Variants in KLRG2 observed in about 807,000 individuals in gnomAD.
The protein encoded by KLRG2 is killer cell lectin like receptor G2.
A neutral mutation model predicts 35.4 loss-of-function variants in KLRG2; 39 were observed. That is an observed-to-expected ratio of 1.10 (90% CI 0.85 to 1.44). KLRG2 has a LOEUF of 1.44. Among genes scored for constraint, KLRG2 ranks in the 40% most tolerant of loss-of-function variants. KLRG2 has a pLI of 0.00. For missense variants in KLRG2, 632 were observed against 570.9 expected, an observed-to-expected ratio of 1.11 and a Z score of -1.09; for synonymous variants, 283 against 265.8, an observed-to-expected ratio of 1.06 and a Z score of -0.63.
At chr7:139,463,187 T>C (rs1480915216) in intron 3 of KLRG2, among the ~76,000 whole-genome samples, 1 of 152,210 alleles carries the variant, frequency 6.6e-6, no homozygotes, top group Non-Finnish European at 1.5e-5. Flanking sequence ...CCCAGCCCAG[T>C]TCTTGGCTCG....
chr7:139,476,967 C>T (rs1022419170), intron 3 of KLRG2, among the ~76,000 whole-genome samples: 2 of 152,152 alleles, frequency 1.3e-5, no homozygotes, highest in East Asian at 3.8e-4. Context: ...GCTATTCTGG[C>T]TCATTATTGA....
chr7:139,450,083 C>G (rs902277152), downstream of KLRG2, among the ~76,000 whole-genome samples: 2 of 151,866 alleles, frequency 1.3e-5, no homozygotes, highest in Non-Finnish European at 2.9e-5. Context: ...CACTCTGTCA[C>G]CCAGGGTGGA....
At position 139,477,383 on chromosome 7, in the gene KLRG2, G is replaced by C. The variant is rs765406871; in HGVS notation, c.1005+2244C>G. Among the ~76,000 whole-genome samples the C allele has an allele frequency of 3.3e-5, 5 of 152,158 alleles. No individual in the cohort carries two copies. In the East Asian group the frequency reaches 9.6e-4, roughly 29 times the overall value. The stretch of plus-strand genomic sequence containing the variant: ...AAATGTGGTGCATACACACAATGGA[G>C]TATTATTCAGCCTTAAAAAGGAAGG... On this transcript the variant is annotated intron_variant, in intron 3 of 4. Transcript: ENST00000340940.
chr7:139,482,887 C>A lies in KLRG2; in HGVS notation c.756G>T (p.Thr252=). The change falls in exon 1 of 5, where the codon ACG becomes ACT. Residue 252 remains threonine, a splice_region_variant and synonymous_variant. Transcript: ENST00000340940. Reference sequence around the variant, plus strand: ...CTGCCGGCGCAGGTGAGCACTCACCCGTAAGCGTTACGGCCCGGGGCAGCT... The same window carrying A: ...CTGCCGGCGCAGGTGAGCACTCACCAGTAAGCGTTACGGCCCGGGGCAGCT... ...DEKLPRAVTL[T]GLPMYVKSLY... 1 of 1,469,834 alleles carries A rather than the reference C, an allele frequency of 6.8e-7. No individual in the cohort carries two copies. Among genetic ancestry groups the A allele is most frequent in the Non-Finnish European group, 8.9e-7 (1 of 1,122,368 alleles). 91.0% of individuals were successfully genotyped at this position (1,469,834 alleles called of 1,614,324 possible). A position where few individuals can be genotyped will look rare whatever the true frequency, so the allele number is the denominator to read the frequency against.
chr7:139,439,194 T>C, the KLRG2 span, among the ~76,000 whole-genome samples: 1 of 152,194 alleles, frequency 6.6e-6, no homozygotes, highest in African/African-American at 2.4e-5. Context: ...TGTAGTACTG[T>C]GTGCCCATAC....
chr7:139,482,780 C>T (rs931701488), intron 1 of KLRG2, 106 bp downstream of exon 1: 3 of 1,095,530 alleles, frequency 2.7e-6, no homozygotes, highest in African/African-American at 1.6e-5. Context: ...AACTGGGTCC[C>T]TTAGTCGGTC....
At chr7:139,478,717 A>G (rs7779375) in intron 3 of KLRG2, among the ~76,000 whole-genome samples, 88,217 of 152,010 alleles carry the variant, frequency 0.58, 27,045 homozygotes, top group African/African-American at 0.79. Context: ...ACTGGATCCT[A>G]TCTATTGGTC....
chr7:139,429,045 G>A, the KLRG2 span, among the ~76,000 whole-genome samples: 1 of 152,198 alleles, frequency 6.6e-6, no homozygotes, highest in East Asian at 1.9e-4. Context: ...GGCCAGGCGT[G>A]GTGGCTTACG....
At chr7:139,451,431 C>T (rs1371620044), downstream of KLRG2, among the ~76,000 whole-genome samples, 2 of 152,014 alleles carry the variant, frequency 1.3e-5, no homozygotes, top group Non-Finnish European at 2.9e-5. Flanking sequence ...ACCCAGGAGG[C>T]GGAGGTTGCG....
At chr7:139,473,374 G>A (rs1320489576) in intron 3 of KLRG2, among the ~76,000 whole-genome samples, 6 of 152,108 alleles carry the variant, frequency 3.9e-5, no homozygotes, top group African/African-American at 4.8e-5. Flanking sequence ...CCTCCTATCC[G>A]CGCAATGATG....
the KLRG2 span, among the ~76,000 whole-genome samples, chr7:139,428,852 G>GA: frequency 2.4e-5 from 3 of 122,778 alleles, no homozygotes; most frequent in Non-Finnish European, 4.6e-5. Context: ...GAAGCATCTG[G>GA]ATGTCTGCAG....
At chr7:139,480,321 C>T in intron 1 of KLRG2, 74 bp from the exon 2 acceptor site, 3 of 790,324 alleles carry the variant, frequency 3.8e-6, no homozygotes, top group Non-Finnish European at 6.7e-6. Context: ...ACCACAGACA[C>T]AGCACACCAG....
the KLRG2 span, among the ~76,000 whole-genome samples, chr7:139,431,013 GA>G: frequency 1.7e-3 from 158 of 92,562 alleles, no homozygotes; most frequent in East Asian, 2.4e-3. Flanking sequence ...CCCTGTCTCA[GA>G]AAAAAAAAAA....
the KLRG2 span, among the ~76,000 whole-genome samples, chr7:139,436,457 T>C: frequency 1.3e-5 from 2 of 152,070 alleles, no homozygotes; most frequent in Non-Finnish European, 2.9e-5. Context: ...TTTAAAACAA[T>C]CCCAGTCCTT....
intron 3 of KLRG2, among the ~76,000 whole-genome samples, chr7:139,476,185 CT>C (rs2116473908): frequency 6.6e-6 from 1 of 152,234 alleles, no homozygotes; most frequent in South Asian, 2.1e-4. Flanking sequence ...GGCGGATCGC[CT>C]GAGTCCAGGA....
chr7:139,471,887 G>A (rs917100921), intron 3 of KLRG2, among the ~76,000 whole-genome samples: 3 of 151,986 alleles, frequency 2.0e-5, no homozygotes, highest in Non-Finnish European at 2.9e-5. Flanking sequence ...GGAGGTGTGT[G>A]TCTCAGAGAG....
chr7:139,471,983 C>A (rs941030985), intron 3 of KLRG2, among the ~76,000 whole-genome samples: 10 of 152,196 alleles, frequency 6.6e-5, no homozygotes, highest in Admixed American at 6.5e-4. Flanking sequence ...CAGACTGTTT[C>A]GGAGCTGTCA....
intron 3 of KLRG2, among the ~76,000 whole-genome samples, chr7:139,478,859 C>A (rs1336399324): frequency 1.2e-4 from 19 of 152,062 alleles, no homozygotes; most frequent in Non-Finnish European, 5.9e-5. Context: ...CCCTGGCAAT[C>A]TGCATTATAA....
At chr7:139,440,750 C>T in the KLRG2 span, among the ~76,000 whole-genome samples, 77 of 152,066 alleles carry the variant, frequency 5.1e-4, no homozygotes, top group Non-Finnish European at 9.7e-4. Flanking sequence ...GTGCCTGGCA[C>T]GACCTCATCT....
Sources: gnomAD v4.1 joint callset for allele counts (sites outside exome capture counted in the v4.1 genomes callset) on GRCh38, gnomAD v4.1.1 for gene constraint, MANE v1.5 for transcripts, NCBI Gene and HGNC (gene_info 2026-07-23, HGNC 2026-07-21) for gene names.